AOAH: variants seen among roughly 807,000 people sequenced by gnomAD.
The protein encoded by AOAH is acyloxyacyl hydrolase (neutrophil).
AOAH carries 64 observed loss-of-function variants against 92.2 expected under a neutral mutation model. That is an observed-to-expected ratio of 0.69 (90% CI 0.57 to 0.86). AOAH has a LOEUF of 0.86. AOAH is among the 40% of genes least tolerant of loss of function. The probability of loss-of-function intolerance (pLI) is 0.00; values close to 1 mark genes in which losing one functional copy is unlikely to be tolerated. For missense variants in AOAH, 656 were observed against 694.6 expected (o/e 0.94, Z 0.62); for synonymous variants, 263 against 254.5 (o/e 1.03, Z -0.32).
At chr7:36,696,142 T>C (rs1323928942) in intron 1 of AOAH, among the ~76,000 whole-genome samples, 1 of 152,206 alleles carries the variant, frequency 6.6e-6, no homozygotes, top group East Asian at 1.9e-4. Flanking sequence ...CACTTGTCTG[T>C]GTCTGTCCCC....
In AOAH at chr7:36,616,435, G is replaced by C. The variant is rs143040096; in HGVS notation, c.791C>G (p.Ala264Gly). The C allele has an allele frequency of 1.2e-6, 2 of 1,614,134 alleles. No homozygotes were observed. The highest frequency in any genetic ancestry group is 2.2e-5 in the East Asian group (1 of 44,888). Residue 264 changes from alanine (A) to glycine (G), a missense_variant, in exon 11 of 21, where the codon GCT (alanine) becomes GGT (glycine). Coordinates refer to ENST00000617537, the MANE Select transcript of AOAH (RefSeq NM_001637.4). ...AGGAGAGATGTGAAAATGAGCCCCA[G>C]CTGAGTCTCCCAGCAAAATGATTCC... ...PRGIILLGDS[A>G]GAHFHISPEW... is the part of the protein sequence containing the mutation.
At position 36,638,048 on chromosome 7, in the gene AOAH, C is replaced by A. The variant is rs191825732; in HGVS notation, c.391-138G>T. Reference sequence around the variant, plus strand: ...CATAAATTTGTAATAAAATAATTCACAAGAAGGCAATTTCACATTAATAGC... The same window carrying A: ...CATAAATTTGTAATAAAATAATTCAAAAGAAGGCAATTTCACATTAATAGC... On this transcript the variant is annotated intron_variant, in intron 4 of 20. Transcript: ENST00000617537. 135 of 717,586 alleles carry A rather than the reference C, an allele frequency of 1.9e-4. No individual in the cohort carries two copies. The African/African-American group carries it at 1.9e-3, about 10-fold the overall frequency. The allele number at this position is 717,586 out of a possible 1,614,324, so 44.5% of individuals were successfully genotyped here.
intron 4 of AOAH, among the ~76,000 whole-genome samples, chr7:36,647,736 A>G (rs1297472045): frequency 6.6e-6 from 1 of 152,214 alleles, no homozygotes; most frequent in Non-Finnish European, 1.5e-5. Context: ...ACAGCTTTGA[A>G]TCTCTGGCAA....
chr7:36,678,608 C>CGG (rs1554314450), intron 2 of AOAH, among the ~76,000 whole-genome samples: 2 of 118,570 alleles, frequency 1.7e-5, no homozygotes, highest in Non-Finnish European at 1.9e-5. Flanking sequence ...TGTGCGCGCG[C>CGG]GCGCGCGTTA....
At chr7:36,515,424 C>A (rs1783580159) in intron 20 of AOAH, among the ~76,000 whole-genome samples, 1 of 126,850 alleles carries the variant, frequency 7.9e-6, no homozygotes, top group Non-Finnish European at 1.7e-5. Context: ...CACACACACC[C>A]CCCACACACC....
intron 20 of AOAH, among the ~76,000 whole-genome samples, chr7:36,517,224 C>CTTTCTTTCTT (rs1229778638): frequency 4.2e-5 from 2 of 47,640 alleles, no homozygotes; most frequent in Non-Finnish European, 5.6e-5. Context: ...CTCTTTCTTT[C>CTTTCTTTCTT]TGTCTCTCTC....
At chr7:36,638,252 C>T (rs1793658400) in intron 4 of AOAH, among the ~76,000 whole-genome samples, 1 of 152,186 alleles carries the variant, frequency 6.6e-6, no homozygotes, top group Non-Finnish European at 1.5e-5. Flanking sequence ...TGAACCTCTG[C>T]TTCCTGACCC....
chr7:36,670,014 G>T (rs1795813788), intron 3 of AOAH, among the ~76,000 whole-genome samples: 1 of 151,994 alleles, frequency 6.6e-6, no homozygotes, highest in Admixed American at 6.6e-5. Context: ...GCTCCTCCCT[G>T]CATGACTCAG....
At chr7:36,648,435 T>A (rs1000401398) in intron 4 of AOAH, among the ~76,000 whole-genome samples, 1 of 152,274 alleles carries the variant, frequency 6.6e-6, no homozygotes, top group Admixed American at 6.5e-5. Flanking sequence ...TCTTTTTGAT[T>A]TTTTTAGGAG....
chr7:36,514,404 T>G, intron 20 of AOAH: 1 of 1,222,544 alleles, frequency 8.2e-7, no homozygotes, highest in South Asian at 1.3e-5. Flanking sequence ...CTGGCTGAAG[T>G]GCCAGAGAGG....
At chr7:36,670,912 A>C (rs1288130186) in intron 3 of AOAH, among the ~76,000 whole-genome samples, 1 of 151,738 alleles carries the variant, frequency 6.6e-6, no homozygotes, top group Non-Finnish European at 1.5e-5. Flanking sequence ...TCTCACACTC[A>C]CCACTCTATA....
At chr7:36,708,716 C>T (rs558801478) in intron 1 of AOAH, among the ~76,000 whole-genome samples, 26 of 152,124 alleles carry the variant, frequency 1.7e-4, no homozygotes, top group Non-Finnish European at 3.2e-4. Context: ...TTTCTAGTAA[C>T]TTTCTGGGCT....
intron 1 of AOAH, among the ~76,000 whole-genome samples, chr7:36,717,833 G>A (rs2117022803): frequency 6.7e-6 from 1 of 148,756 alleles, no homozygotes; most frequent in South Asian, 2.1e-4. Context: ...CTTGGTGTCT[G>A]GGAAATAAGA....
intron 3 of AOAH, among the ~76,000 whole-genome samples, chr7:36,671,667 G>GCC (rs535262236): frequency 6.6e-6 from 1 of 152,086 alleles, no homozygotes; most frequent in South Asian, 2.1e-4. Context: ...GTGTGTGTGT[G>GCC]TGCCTGTTTG....
chr7:36,691,123 G>A (rs1797370571), intron 1 of AOAH, among the ~76,000 whole-genome samples: 1 of 152,166 alleles, frequency 6.6e-6, no homozygotes, highest in Non-Finnish European at 1.5e-5. Flanking sequence ...TCATCACATT[G>A]CTAGAGTGTA....
chr7:36,576,187 G>A (rs1014222221), intron 13 of AOAH, among the ~76,000 whole-genome samples: 21 of 152,194 alleles, frequency 1.4e-4, no homozygotes, highest in African/African-American at 4.6e-4. Flanking sequence ...CAGCAGAAAC[G>A]TGGGAGACTT....
Position 36,537,506 on chromosome 7 carries a change from G to GTTTTTTTTTTTTTTTTTTTTTTT in AOAH, c.1306+2812_1306+2813insAAAAAAAAAAAAAAAAAAAAAAA, listed in dbSNP as rs67918250. ...ACTAGATGCTAGTTGCACCCCTCTTGTTTTTTTTTTTTTTTTGTTTGTTTG... is the reference window on the plus strand; with the variant it reads ...ACTAGATGCTAGTTGCACCCCTCTTGTTTTTTTTTTTTTTTTTTTTTTTTTTTTTTTTTTTTTTTGTTTGTTTG... On this transcript the variant is annotated intron_variant, in intron 16 of 20. Coordinates refer to ENST00000617537, the MANE Select transcript of AOAH (RefSeq NM_001637.4). Among the ~76,000 whole-genome samples the GTTTTTTTTTTTTTTTTTTTTTTT allele has an allele frequency of 1.5e-5, 2 of 134,802 alleles. 1 individual carries two copies. 88.4% of individuals were successfully genotyped at this position (134,802 alleles called of 152,430 possible). A position where few individuals can be genotyped will look rare whatever the true frequency, so the allele number is the denominator to read the frequency against.
At chr7:36,702,076 T>C (rs1279906849) in intron 1 of AOAH, among the ~76,000 whole-genome samples, 1 of 152,162 alleles carries the variant, frequency 6.6e-6, no homozygotes, top group Non-Finnish European at 1.5e-5. Context: ...ACCTTGTATT[T>C]GGGCTATTTT....
intron 1 of AOAH, among the ~76,000 whole-genome samples, chr7:36,706,341 C>T (rs1798408694): frequency 1.3e-5 from 2 of 152,050 alleles, no homozygotes; most frequent in African/African-American, 4.8e-5. Flanking sequence ...TGAAATAAAT[C>T]TTTTTTCTGA....
Sources: allele counts gnomAD v4.1 joint callset (sites outside exome capture counted in the v4.1 genomes callset), GRCh38; gene constraint gnomAD v4.1.1; transcripts MANE v1.5; gene names NCBI Gene and HGNC (gene_info 2026-07-23, HGNC 2026-07-21).